The following DNER variants were observed in gnomAD, a reference collection of about 807,000 sequenced individuals.
The protein encoded by DNER is delta and Notch-like epidermal growth factor-related receptor.
A neutral mutation model predicts 78.2 loss-of-function variants in DNER; 33 were observed. The observed-to-expected ratio is 0.42, with a 90% CI of 0.32 to 0.56. The LOEUF (loss-of-function observed/expected upper bound fraction) is 0.56. Ranked by LOEUF, DNER falls within the 20% of genes least tolerant of loss-of-function variation. DNER has a pLI of 0.11. For missense variants in DNER, 918 were observed against 975.3 expected (o/e 0.94, Z 0.78); for synonymous variants, 417 against 384.8 (o/e 1.08, Z -0.98).
intron 4 of DNER, among the ~76,000 whole-genome samples, chr2:229,580,597 G>A (rs1321984290): frequency 6.6e-6 from 1 of 152,116 alleles, no homozygotes; most frequent in Non-Finnish European, 1.5e-5. Context: ...GGAACAAATG[G>A]AGAGAGGAAT....
At chr2:229,640,832 C>T (rs1239186626) in intron 1 of DNER, among the ~76,000 whole-genome samples, 1 of 152,128 alleles carries the variant, frequency 6.6e-6, no homozygotes, top group Admixed American at 6.5e-5. Flanking sequence ...TGGCAGAACT[C>T]CAGGGTTTTG....
At chr2:229,541,394 G>A (rs143622316) in intron 5 of DNER, among the ~76,000 whole-genome samples, 33 of 152,256 alleles carry the variant, frequency 2.2e-4, no homozygotes, top group Middle Eastern at 3.4e-3. Context: ...CAGATATTTG[G>A]TCAAACATCA....
At chr2:229,577,866 T>C (rs955776094) in intron 4 of DNER, among the ~76,000 whole-genome samples, 1 of 152,194 alleles carries the variant, frequency 6.6e-6, no homozygotes, top group South Asian at 2.1e-4. Flanking sequence ...TAAAAATATA[T>C]AATCAATAAA....
At chr2:229,583,980 A>T (rs1299318769) in intron 4 of DNER, among the ~76,000 whole-genome samples, 4 of 152,218 alleles carry the variant, frequency 2.6e-5, no homozygotes, top group Non-Finnish European at 5.9e-5. Flanking sequence ...TCCAAAGATT[A>T]AAAAAAGAAC....
chr2:229,615,589 G>A lies in DNER; in HGVS notation c.277-23701C>T, dbSNP rs1698141639. Among the ~76,000 whole-genome samples the A allele has an allele frequency of 2.0e-5, 3 of 152,064 alleles. No individual in the cohort carries two copies. The South Asian group carries it at 6.2e-4, about 32-fold the overall frequency. On this transcript the variant is annotated intron_variant, in intron 1 of 12. Transcript: ENST00000341772. Reference sequence around the variant, plus strand: ...TAGCCGGAAGTGGTGGTGGGCACCTGTAGCCCCAGCTACTCGGGAGGCTGA... The same window carrying A: ...TAGCCGGAAGTGGTGGTGGGCACCTATAGCCCCAGCTACTCGGGAGGCTGA...
intron 5 of DNER, among the ~76,000 whole-genome samples, chr2:229,514,399 C>T (rs557826568): frequency 2.0e-5 from 3 of 152,226 alleles, no homozygotes; most frequent in Admixed American, 6.5e-5. Context: ...GCAGCTCTTC[C>T]GGAATAATTT....
At chr2:229,426,440 C>CAAAAAAAAAAAAA (rs58842918) in intron 8 of DNER, among the ~76,000 whole-genome samples, 1 of 69,212 alleles carries the variant, frequency 1.4e-5, no homozygotes, top group African/African-American at 5.2e-5. Context: ...GACTCCATCT[C>CAAAAAAAAAAAAA]AAAAAAAAAA....
At chr2:229,423,033 T>C (rs1203563573) in intron 8 of DNER, among the ~76,000 whole-genome samples, 1 of 152,082 alleles carries the variant, frequency 6.6e-6, no homozygotes, top group Non-Finnish European at 1.5e-5. Flanking sequence ...AAAACCATGG[T>C]TCTTAATGGT....
intron 4 of DNER, among the ~76,000 whole-genome samples, chr2:229,565,852 C>T (rs947288272): frequency 2.0e-5 from 3 of 152,110 alleles, no homozygotes. Context: ...TATTTAATCT[C>T]TTTTTCAATG....
chr2:229,694,185 A>G (rs1046027704), intron 1 of DNER, among the ~76,000 whole-genome samples: 1 of 152,238 alleles, frequency 6.6e-6, no homozygotes, highest in African/African-American at 2.4e-5. Flanking sequence ...GAAGTCAAGA[A>G]CTGAGGTTTG....
chr2:229,563,184 A>G (rs1276657828), intron 4 of DNER, among the ~76,000 whole-genome samples: 4 of 76,364 alleles, frequency 5.2e-5, no homozygotes, highest in Non-Finnish European at 9.9e-5. Context: ...CAACATCATC[A>G]CACCATCACC....
At chr2:229,656,073 T>C (rs1033162283) in intron 1 of DNER, among the ~76,000 whole-genome samples, 2 of 152,130 alleles carry the variant, frequency 1.3e-5, no homozygotes, top group African/African-American at 4.8e-5. Context: ...TGTAAGAGAA[T>C]ACACTTCCAT....
chr2:229,478,495 G>A (rs1033588039), intron 6 of DNER, among the ~76,000 whole-genome samples: 18 of 152,214 alleles, frequency 1.2e-4, no homozygotes, highest in African/African-American at 3.1e-4. Flanking sequence ...GCTAATTCAC[G>A]GTATGAGAAG....
intron 10 of DNER, among the ~76,000 whole-genome samples, chr2:229,390,442 G>A (rs1194485663): frequency 1.3e-5 from 2 of 152,200 alleles, no homozygotes; most frequent in Non-Finnish European, 2.9e-5. Context: ...CCACATTCAG[G>A]AGCCAGGGCA....
intron 5 of DNER, among the ~76,000 whole-genome samples, chr2:229,545,723 A>T (rs192453215): frequency 1.4e-3 from 212 of 152,346 alleles, no homozygotes; most frequent in African/African-American, 4.8e-3. Flanking sequence ...CCTTGCCCCC[A>T]TGCCCTGGCC....
At chr2:229,458,122 C>G (rs1694614749) in intron 7 of DNER, among the ~76,000 whole-genome samples, 1 of 79,194 alleles carries the variant, frequency 1.3e-5, no homozygotes, top group Non-Finnish European at 2.2e-5. Flanking sequence ...GGTCACAGAG[C>G]AAGACTCTAT....
rs571365817 is a variant in DNER, at chr2:229,643,919, G to A, written c.277-52031C>T. 6.6e-5 allele frequency among the ~76,000 whole-genome samples: 10 copies of A among 152,062 alleles called. 1 individual carries two copies. The South Asian group carries it at 1.2e-3, about 19-fold the overall frequency. On this transcript the variant is annotated intron_variant, in intron 1 of 12. Coordinates refer to ENST00000341772, the MANE Select transcript of DNER (RefSeq NM_139072.4). ...CCTTCCCAGATGATGGTTGCCTAAC[G>A]TTGTCTCAAAGAACCTTGAAGGGTA...
At chr2:229,634,931 T>C (rs1698502375) in intron 1 of DNER, among the ~76,000 whole-genome samples, 1 of 152,222 alleles carries the variant, frequency 6.6e-6, no homozygotes, top group African/African-American at 2.4e-5. Context: ...GGTCTTTTCC[T>C]TAACTTTTGA....
chr2:229,399,174 CA>C (rs751077507), intron 10 of DNER, among the ~76,000 whole-genome samples: 365 of 129,066 alleles, frequency 2.8e-3, no homozygotes, highest in African/African-American at 5.2e-3. Context: ...AAGAAATCTA[CA>C]AAAAAAAAAA....
Sources: allele counts gnomAD v4.1 joint callset (sites outside exome capture counted in the v4.1 genomes callset), GRCh38; gene constraint gnomAD v4.1.1; transcripts MANE v1.5; gene names NCBI Gene and HGNC (gene_info 2026-07-23, HGNC 2026-07-21).